Variants in CNTNAP4 observed in about 807,000 individuals in gnomAD.
CNTNAP4 encodes the protein contactin associated protein family member 4.
A neutral mutation model predicts 148.4 loss-of-function variants in CNTNAP4; 98 were observed. The observed-to-expected ratio is 0.66, with a 90% confidence interval of 0.56 to 0.78. The LOEUF (loss-of-function observed/expected upper bound fraction) is 0.78, where lower values mean the gene tolerates loss of function less well. Ranked by LOEUF, CNTNAP4 falls within the 30% of genes least tolerant of loss-of-function variation. The pLI is 0.00. For synonymous variants in CNTNAP4, 730 were observed against 565.1 expected (o/e 1.29, Z -4.14); for missense variants, 1,935 against 1,565.6 (o/e 1.24, Z -3.98).
chr16:76,362,594 T>G (rs1045562283), intron 3 of CNTNAP4, among the ~76,000 whole-genome samples: 1 of 152,080 alleles, frequency 6.6e-6, no homozygotes, highest in Non-Finnish European at 1.5e-5. Flanking sequence ...AGTCCAGAAA[T>G]AAACCCATAC....
At chr16:76,469,941 A>G (rs1013982877) in intron 10 of CNTNAP4, among the ~76,000 whole-genome samples, 3 of 152,148 alleles carry the variant, frequency 2.0e-5, no homozygotes, top group African/African-American at 7.2e-5. Flanking sequence ...CTTATATACT[A>G]TACCTACTGA....
At position 76,405,160 on chromosome 16, in the gene CNTNAP4, A is replaced by G. The variant is rs181318115; in HGVS notation, c.391-22292A>G. On this transcript the variant is annotated intron_variant, in intron 3 of 23. Coordinates refer to ENST00000611870, the MANE Select transcript of CNTNAP4 (RefSeq NM_033401.5). ...TAATGTAGTTGTTAAAGAGTTTCTCATTGATAGACTTGTTTTCACTATGAC... is the reference window on the plus strand; with the variant it reads ...TAATGTAGTTGTTAAAGAGTTTCTCGTTGATAGACTTGTTTTCACTATGAC... 5.3e-3 allele frequency among the ~76,000 whole-genome samples: 804 copies of G among 152,256 alleles called. 11 individuals carry two copies. Among genetic ancestry groups the G allele is most frequent in the African/African-American group, 0.019 (780 of 41,496 alleles).
At chr16:76,301,153 C>G (rs529896642) in intron 1 of CNTNAP4, among the ~76,000 whole-genome samples, 2 of 151,718 alleles carry the variant, frequency 1.3e-5, no homozygotes, top group South Asian at 2.1e-4. Context: ...TTAACACACA[C>G]AAAAAGAGCA....
At chr16:76,483,275 C>CACACACACAT (rs1208037271) in intron 12 of CNTNAP4, among the ~76,000 whole-genome samples, 12 of 141,206 alleles carry the variant, frequency 8.5e-5, no homozygotes, top group Admixed American at 6.4e-4. Context: ...CACACACACA[C>CACACACACAT]ACATCCATTC....
chr16:76,390,315 T>C (rs556227015), intron 3 of CNTNAP4, among the ~76,000 whole-genome samples: 18 of 152,334 alleles, frequency 1.2e-4, no homozygotes, highest in African/African-American at 3.6e-4. Context: ...AACTTATCTA[T>C]TGTAGCTAAT....
chr16:76,307,657 G>A (rs1424939261), intron 1 of CNTNAP4, among the ~76,000 whole-genome samples: 1 of 151,596 alleles, frequency 6.6e-6, no homozygotes, highest in Non-Finnish European at 1.5e-5. Context: ...TCTGTAATGT[G>A]TGCAGATTTC....
chr16:76,462,623 G>C (rs1310602023), intron 9 of CNTNAP4, among the ~76,000 whole-genome samples: 1 of 152,074 alleles, frequency 6.6e-6, no homozygotes, highest in African/African-American at 2.4e-5. Flanking sequence ...ATCAGCCTTC[G>C]ACACCAGCTC....
At chr16:76,396,684 C>T (rs2078216664) in intron 3 of CNTNAP4, among the ~76,000 whole-genome samples, 1 of 152,168 alleles carries the variant, frequency 6.6e-6, no homozygotes, top group Non-Finnish European at 1.5e-5. Context: ...TGGTCAGGAG[C>T]TGCTCCCATC....
At chr16:76,315,187 C>G (rs992568268) in intron 1 of CNTNAP4, among the ~76,000 whole-genome samples, 1 of 150,142 alleles carries the variant, frequency 6.7e-6, no homozygotes, top group Non-Finnish European at 1.5e-5. Flanking sequence ...TGTTTGTTTG[C>G]TATTATGAGC....
intron 2 of CNTNAP4, among the ~76,000 whole-genome samples, chr16:76,329,931 C>T (rs1248034469): frequency 2.0e-5 from 3 of 152,176 alleles, no homozygotes; most frequent in Non-Finnish European, 2.9e-5. Flanking sequence ...CACCATTGAC[C>T]TTGACTTTGT....
intron 1 of CNTNAP4, among the ~76,000 whole-genome samples, chr16:76,309,105 TATA>T (rs1960810611): frequency 6.6e-6 from 1 of 152,064 alleles, no homozygotes; most frequent in African/African-American, 2.4e-5. Flanking sequence ...ACACCTGGCC[TATA>T]ATACTTTTTA....
chr16:76,356,776 C>T (rs144221951), intron 3 of CNTNAP4, among the ~76,000 whole-genome samples: 53 of 152,160 alleles, frequency 3.5e-4, no homozygotes, highest in African/African-American at 1.1e-3. Flanking sequence ...AGTCAGTTGC[C>T]TGTTTTTTGA....
intron 3 of CNTNAP4, among the ~76,000 whole-genome samples, chr16:76,414,382 T>C (rs1435911101): frequency 2.0e-5 from 3 of 151,460 alleles, no homozygotes; most frequent in Non-Finnish European, 3.0e-5. Flanking sequence ...TCGATTGAGA[T>C]ATGATTTATT....
intron 4 of CNTNAP4, among the ~76,000 whole-genome samples, chr16:76,446,697 G>A (rs1174155275): frequency 1.3e-5 from 2 of 152,066 alleles, no homozygotes; most frequent in Non-Finnish European, 2.9e-5. Context: ...ACAGAAAATA[G>A]TATTGCCCTT....
At chr16:76,396,405 T>C (rs138374878) in intron 3 of CNTNAP4, among the ~76,000 whole-genome samples, 1 of 152,268 alleles carries the variant, frequency 6.6e-6, no homozygotes, top group East Asian at 1.9e-4. Context: ...TCCTAATTTT[T>C]ATCAAGGAGG....
At chr16:76,302,436 C>CT (rs1422959062) in intron 1 of CNTNAP4, among the ~76,000 whole-genome samples, 25 of 152,034 alleles carry the variant, frequency 1.6e-4, no homozygotes, top group African/African-American at 5.6e-4. Flanking sequence ...TTTTCGGGTC[C>CT]TAGAGGCTGT....
At chr16:76,377,266 C>T (rs1174461742) in intron 3 of CNTNAP4, among the ~76,000 whole-genome samples, 1 of 152,022 alleles carries the variant, frequency 6.6e-6, no homozygotes, top group South Asian at 2.1e-4. Flanking sequence ...TTAAAAATAC[C>T]TTTAAAGAAA....
At chr16:76,492,245 G>A (rs187566228) in intron 13 of CNTNAP4, among the ~76,000 whole-genome samples, 23 of 152,226 alleles carry the variant, frequency 1.5e-4, no homozygotes, top group Non-Finnish European at 2.8e-4. Context: ...TAAGAGAGTC[G>A]ATTTTGGTAT....
intron 3 of CNTNAP4, among the ~76,000 whole-genome samples, chr16:76,384,797 A>T (rs2016348494): frequency 6.6e-6 from 1 of 152,202 alleles, no homozygotes; most frequent in Non-Finnish European, 1.5e-5. Flanking sequence ...CTTTTATTTT[A>T]CTACAGTTAA....
Sources: gnomAD v4.1 joint callset for allele counts (sites outside exome capture counted in the v4.1 genomes callset) on GRCh38, gnomAD v4.1.1 for gene constraint, MANE v1.5 for transcripts, NCBI Gene and HGNC (gene_info 2026-07-23, HGNC 2026-07-21) for gene names.